The following SPAG16 variants were observed in gnomAD, a reference collection of about 807,000 sequenced individuals.
SPAG16 encodes the protein sperm-associated antigen 16 protein.
A neutral mutation model predicts 80.4 loss-of-function variants in SPAG16; 86 were observed. The ratio of observed to expected loss-of-function variants is 1.07; its 90% CI spans 0.90 to 1.28. The LOEUF (loss-of-function observed/expected upper bound fraction) is 1.28, where lower values mean the gene tolerates loss of function less well. Among genes scored for constraint, SPAG16 ranks in the 50% most tolerant of loss-of-function variants. The pLI, the probability that SPAG16 is intolerant of heterozygous loss-of-function variation, is 0.00. For synonymous variants in SPAG16, 294 were observed against 265.9 expected (o/e 1.11, Z -1.03); for missense variants, 870 against 765.3 (o/e 1.14, Z -1.61).
chr2:214,402,087 G>A lies in SPAG16; in HGVS notation c.1721-8053G>A, dbSNP rs572747151. On this transcript the variant is annotated intron_variant, in intron 15 of 15. Coordinates refer to ENST00000331683, the MANE Select transcript of SPAG16 (RefSeq NM_024532.5). Reference sequence around the variant, plus strand: ...TTTGATCAATTAAAGAGTCCCCCAAGGAAACACAACTCTTAACTCTTGATA... The same window carrying A: ...TTTGATCAATTAAAGAGTCCCCCAAAGAAACACAACTCTTAACTCTTGATA... Among the ~76,000 whole-genome samples the A allele has an allele frequency of 2.6e-5, 4 of 152,018 alleles. No individual in the cohort carries two copies. The South Asian group carries it at 8.3e-4, about 31-fold the overall frequency.
At chr2:213,530,610 G>T (rs1298726593) in intron 10 of SPAG16, among the ~76,000 whole-genome samples, 1 of 152,024 alleles carries the variant, frequency 6.6e-6, no homozygotes, top group Non-Finnish European at 1.5e-5. Flanking sequence ...TCTGTTTTTA[G>T]TTCTGCCAGT....
chr2:213,426,312 G>T (rs571846252), intron 9 of SPAG16, among the ~76,000 whole-genome samples: 3 of 151,594 alleles, frequency 2.0e-5, no homozygotes, highest in South Asian at 2.1e-4. Flanking sequence ...TTACTTTTTG[G>T]ATTTTTTTGT....
At chr2:214,037,255 G>A (rs1398398255) in intron 13 of SPAG16, among the ~76,000 whole-genome samples, 1 of 151,644 alleles carries the variant, frequency 6.6e-6, no homozygotes, top group African/African-American at 2.4e-5. Context: ...ATTATTCCTT[G>A]TTTAGAAATT....
chr2:213,420,565 A>T (rs2069523704), intron 9 of SPAG16, among the ~76,000 whole-genome samples: 1 of 152,264 alleles, frequency 6.6e-6, no homozygotes. Flanking sequence ...GGACGTGAAT[A>T]TGTATGGAAA....
intron 15 of SPAG16, among the ~76,000 whole-genome samples, chr2:214,360,172 C>T (rs1206788538): frequency 2.0e-5 from 3 of 151,824 alleles, no homozygotes; most frequent in Non-Finnish European, 2.9e-5. Context: ...TTTGAAGCAT[C>T]AGGAGTTTCC....
At chr2:213,521,097 A>G (rs964665334) in intron 10 of SPAG16, among the ~76,000 whole-genome samples, 13 of 152,120 alleles carry the variant, frequency 8.5e-5, no homozygotes, top group African/African-American at 2.9e-4. Flanking sequence ...ATTCAACCCA[A>G]TGCCCTGTGG....
intron 15 of SPAG16, among the ~76,000 whole-genome samples, chr2:214,284,735 C>T (rs1193840459): frequency 1.3e-5 from 2 of 152,000 alleles, no homozygotes; most frequent in Non-Finnish European, 2.9e-5. Flanking sequence ...TCTAGTCAAA[C>T]TTCATTACCA....
At chr2:214,354,740 T>A (rs1385448129) in intron 15 of SPAG16, among the ~76,000 whole-genome samples, 1 of 152,004 alleles carries the variant, frequency 6.6e-6, no homozygotes, top group Non-Finnish European at 1.5e-5. Flanking sequence ...GATTCCTAGG[T>A]ATTTTATTCT....
intron 10 of SPAG16, among the ~76,000 whole-genome samples, chr2:213,590,396 G>C (rs1197670134): frequency 6.7e-6 from 1 of 149,838 alleles, no homozygotes; most frequent in Non-Finnish European, 1.5e-5. Context: ...GTTTGCATCT[G>C]ACAAAGGACT....
chr2:214,329,086 A>G (rs1224969811), intron 15 of SPAG16, among the ~76,000 whole-genome samples: 1 of 152,218 alleles, frequency 6.6e-6, no homozygotes. Flanking sequence ...ACAATAGCCA[A>G]TCTGTGACGC....
At chr2:214,109,031 G>A (rs1391696156) in intron 14 of SPAG16, among the ~76,000 whole-genome samples, 2 of 152,084 alleles carry the variant, frequency 1.3e-5, no homozygotes, top group African/African-American at 4.8e-5. Flanking sequence ...ATGGGTTAAT[G>A]TCTTTGAAGG....
At chr2:213,677,447 A>G (rs996018841) in intron 10 of SPAG16, among the ~76,000 whole-genome samples, 1 of 152,100 alleles carries the variant, frequency 6.6e-6, no homozygotes, top group African/African-American at 2.4e-5. Context: ...TGGAAAACAA[A>G]AAAAGGCAGG....
intron 11 of SPAG16, among the ~76,000 whole-genome samples, chr2:213,913,943 C>A (rs146108104): frequency 1.2e-3 from 187 of 152,004 alleles, no homozygotes; most frequent in African/African-American, 4.1e-3. Flanking sequence ...TGGAAGAAGC[C>A]CACTCATGTT....
intron 10 of SPAG16, among the ~76,000 whole-genome samples, chr2:213,523,892 G>GA (rs372971572): frequency 8.9e-4 from 136 of 152,300 alleles, no homozygotes; most frequent in African/African-American, 3.1e-3. Flanking sequence ...TAAAAATTTG[G>GA]AAAATTTGCA....
chr2:214,280,011 A>T (rs1692794337), intron 15 of SPAG16, among the ~76,000 whole-genome samples: 1 of 152,240 alleles, frequency 6.6e-6, no homozygotes. Context: ...ATATGCTGAC[A>T]TTACTGAAGA....
intron 5 of SPAG16, among the ~76,000 whole-genome samples, chr2:213,333,152 T>A (rs1310796342): frequency 6.6e-6 from 1 of 152,024 alleles, no homozygotes; most frequent in East Asian, 1.9e-4. Flanking sequence ...ACTGATAAAT[T>A]CAGCAAGGTT....
chr2:214,235,402 AT>A (rs929648947), intron 15 of SPAG16, among the ~76,000 whole-genome samples: 7 of 152,094 alleles, frequency 4.6e-5, no homozygotes, highest in African/African-American at 1.7e-4. Flanking sequence ...ATTATACCAT[AT>A]TTATTGGTAT....
At chr2:213,805,835 T>C (rs1461061397) in intron 10 of SPAG16, among the ~76,000 whole-genome samples, 1 of 152,186 alleles carries the variant, frequency 6.6e-6, no homozygotes, top group Non-Finnish European at 1.5e-5. Context: ...AATTTTAAAA[T>C]ATTTTCATAT....
chr2:213,436,336 T>C (rs1485336207), intron 9 of SPAG16, among the ~76,000 whole-genome samples: 1 of 152,192 alleles, frequency 6.6e-6, no homozygotes, highest in Non-Finnish European at 1.5e-5. Context: ...AGTCTTGTTT[T>C]CCTCTGAAAG....
Sources: gnomAD v4.1 joint callset for allele counts (sites outside exome capture counted in the v4.1 genomes callset) on GRCh38, gnomAD v4.1.1 for gene constraint, MANE v1.5 for transcripts, NCBI Gene and HGNC (gene_info 2026-07-23, HGNC 2026-07-21) for gene names.